Variants in BUB3 observed in about 807,000 individuals in gnomAD.
BUB3 encodes BUB3 mitotic checkpoint protein, also known as mitotic checkpoint protein BUB3.
In BUB3, 22 loss-of-function variants were observed where a neutral mutation model predicts 39.9. The observed-to-expected ratio is 0.55, with a 90% CI of 0.39 to 0.79. BUB3 has a LOEUF of 0.79. BUB3 is among the 30% of genes least tolerant of loss of function. The pLI is 0.00. For missense variants in BUB3, 303 were observed against 415.4 expected, an observed-to-expected ratio of 0.73 and a Z score of 2.35; for synonymous variants, 168 against 155.1, an observed-to-expected ratio of 1.08 and a Z score of -0.62.
chr10:123,157,862 C>G lies in BUB3; in HGVS notation c.399C>G (p.Thr133=). ...CCAGAACTCCTTGTAATGCTGGGAC[C>G]TTCTCTCAGCCTGAAAAGGTAGGCT... ...WDPRTPCNAG[T]FSQPEKVYTL... Residue 133 remains threonine, a synonymous_variant, in exon 4 of 8, where the codon ACC becomes ACG. Transcript: ENST00000368865. The G allele has an allele frequency of 6.2e-7, 1 of 1,613,040 alleles. No homozygotes were observed. The highest frequency in any genetic ancestry group is 1.1e-5 in the South Asian group (1 of 90,798).
chr10:123,169,092 G>T lies in BUB3; in HGVS notation c.*5257G>T, dbSNP rs75933581. 43 of 152,382 alleles carry T rather than the reference G, an allele frequency of 2.8e-4. No individual in the cohort carries two copies. The highest frequency in any genetic ancestry group is 9.9e-4 in the African/African-American group (41 of 41,578). 9.4% of individuals were successfully genotyped at this position (152,382 alleles called of 1,614,324 possible). On this transcript the variant is annotated 3_prime_UTR_variant, in exon 8 of 8. Coordinates refer to ENST00000368865, the MANE Select transcript of BUB3 (RefSeq NM_004725.4). Reference sequence around the variant, plus strand: ...ATTTGCACCCCCAGGTATCATGTGGGCAGGTGCTCCATGTGGCTGGTGATA... The same window carrying T: ...ATTTGCACCCCCAGGTATCATGTGGTCAGGTGCTCCATGTGGCTGGTGATA...
At chr10:123,156,892 C>T (rs1480200898) in intron 3 of BUB3, among the ~76,000 whole-genome samples, 7 of 152,086 alleles carry the variant, frequency 4.6e-5, no homozygotes, top group Admixed American at 1.3e-4. Context: ...TACAGGTGTG[C>T]GCCACCATGC....
chr10:123,154,880 C>T, intron 1 of BUB3, 38 bp from the exon 2 acceptor site: 1 of 1,578,578 alleles, frequency 6.3e-7, no homozygotes, highest in South Asian at 1.2e-5. Flanking sequence ...AGCCCCAGCC[C>T]GCGGGACCCC....
rs1480982197 is a variant in BUB3, at chr10:123,168,465, T to C, written c.*4630T>C. Reference sequence around the variant, plus strand: ...TCTAGAGCAAGCTTGTCCAATTTGTTGTCCATGGGCCACATGCTGCCCAGG... The same window carrying C: ...TCTAGAGCAAGCTTGTCCAATTTGTCGTCCATGGGCCACATGCTGCCCAGG... On this transcript the variant is annotated 3_prime_UTR_variant, in exon 8 of 8. Transcript: ENST00000368865. The C allele has an allele frequency of 6.6e-6, 1 of 152,198 alleles. No individual in the cohort carries two copies. The highest frequency in any genetic ancestry group is 1.5e-5 in the Non-Finnish European group (1 of 68,032). The allele number at this position is 152,198 out of a possible 1,614,324, so 9.4% of individuals were successfully genotyped here.
chr10:123,161,358 G>C (rs1183451224), intron 5 of BUB3, among the ~76,000 whole-genome samples: 2 of 152,126 alleles, frequency 1.3e-5, no homozygotes, highest in African/African-American at 4.8e-5. Flanking sequence ...ACCTCAAATG[G>C]TGATCACAGT....
rs1564784575 is a variant in BUB3 at position 123,164,120 on chromosome 10, T to G, written c.*285T>G. 1.7e-5 allele frequency: 19 copies of G among 1,118,456 alleles called. No homozygotes were observed. Among genetic ancestry groups the G allele is most frequent in the Non-Finnish European group, 2.1e-5 (19 of 917,462 alleles). 69.3% of individuals were successfully genotyped at this position (1,118,456 alleles called of 1,614,324 possible). On this transcript the variant is annotated 3_prime_UTR_variant, in exon 8 of 8. Coordinates refer to ENST00000368865, the MANE Select transcript of BUB3 (RefSeq NM_004725.4). ...AATCAGTTTTGACCTTGATGATTTT[T>G]TGTTTCCACTGTGGAAATAAATGTT...
Position 123,164,959 on chromosome 10 carries a change from G to A in BUB3, c.*1124G>A. 1 of 1,517,452 alleles carries A rather than the reference G, an allele frequency of 6.6e-7. No individual in the cohort carries two copies. The highest frequency in any genetic ancestry group is 8.7e-7 in the Non-Finnish European group (1 of 1,145,010). 94.0% of individuals were successfully genotyped at this position (1,517,452 alleles called of 1,614,324 possible). ...TATTTTTTTTAATTCTTTTGATACA[G>A]AGAAGGGTCTTTTTTTTTTTAAGTA... On this transcript the variant is annotated 3_prime_UTR_variant, in exon 8 of 8. Transcript: ENST00000368865.
intron 4 of BUB3, among the ~76,000 whole-genome samples, chr10:123,158,572 G>A (rs946709867): frequency 2.6e-5 from 4 of 152,144 alleles, no homozygotes; most frequent in Non-Finnish European, 4.4e-5. Flanking sequence ...TCCCTCACTT[G>A]AGTCTATTTC....
Position 123,164,349 on chromosome 10 carries a change from C to T in BUB3, c.*514C>T, listed in dbSNP as rs968632520. On this transcript the variant is annotated 3_prime_UTR_variant, in exon 8 of 8. Transcript: ENST00000368865. ...TTATTTTCTGAAGCAGATGGTTCAT[C>T]ATTTCCTGGGCTGTTAAACAAAGCG... 38 of 985,858 alleles carry T rather than the reference C, an allele frequency of 3.9e-5. No individual in the cohort carries two copies. The highest frequency in any genetic ancestry group is 4.3e-5 in the Non-Finnish European group (36 of 830,366). The allele number at this position is 985,858 out of a possible 1,614,324, so 61.1% of individuals were successfully genotyped here. A position where few individuals can be genotyped will look rare whatever the true frequency, so the allele number is the denominator to read the frequency against.
intron 5 of BUB3, among the ~76,000 whole-genome samples, chr10:123,161,644 G>T (rs750658661): frequency 2.6e-5 from 4 of 152,088 alleles, no homozygotes; most frequent in Non-Finnish European, 4.4e-5. Flanking sequence ...TTCATATTTG[G>T]TGTGTTAGCT....
rs1170425073 is a variant in BUB3, at chr10:123,167,917, C to T, written c.*4082C>T. ...TGTTAAATTGAGTTAAACAAATTTA[C>T]AAGTTGACAAATTACATTTACAAAT... On this transcript the variant is annotated 3_prime_UTR_variant, in exon 8 of 8. Coordinates refer to ENST00000368865, the MANE Select transcript of BUB3 (RefSeq NM_004725.4). The T allele has an allele frequency of 6.6e-6, 1 of 151,932 alleles. No individual in the cohort carries two copies. The highest frequency in any genetic ancestry group is 1.5e-5 in the Non-Finnish European group (1 of 67,986). 9.4% of individuals were successfully genotyped at this position (151,932 alleles called of 1,614,324 possible). A position where few individuals can be genotyped will look rare whatever the true frequency, so the allele number is the denominator to read the frequency against.
chr10:123,154,867 C>T (rs755113374), intron 1 of BUB3, 51 bp from the exon 2 acceptor site: 11 of 1,556,900 alleles, frequency 7.1e-6, no homozygotes, highest in Middle Eastern at 4.3e-4. Context: ...GCTGTCAGTG[C>T]GCAGCCCCAG....
chr10:123,163,132 G>T, intron 7 of BUB3: 3 of 299,750 alleles, frequency 1.0e-5, no homozygotes, highest in South Asian at 5.5e-5. Context: ...ATTAAGTTGA[G>T]GAATTCAAGA....
At chr10:123,157,625 A>G (rs547449514) in intron 3 of BUB3, 104 bp from the exon 4 acceptor site, 5 of 1,367,440 alleles carry the variant, frequency 3.7e-6, no homozygotes, top group Non-Finnish European at 4.9e-6. Flanking sequence ...AGGCAAATTC[A>G]TTACAGTTGA....
chr10:123,155,702 A>C lies in BUB3; in HGVS notation c.240A>C (p.Lys80Asn). The stretch of plus-strand genomic sequence containing the variant: ...GTGGAGGACTAGATCATCAATTGAA[A>C]ATGCATGATTTGAACACTGATCAAG... ...AWSGGLDHQL[K>N]MHDLNTDQEN... is the part of the protein sequence containing the mutation. The change falls in exon 3 of 8, where the codon AAA becomes AAC. Residue 80 changes from lysine to asparagine, a missense_variant. Transcript: ENST00000368865. 6.2e-7 allele frequency: 1 copy of C among 1,614,144 alleles called. No individual in the cohort carries two copies. Among genetic ancestry groups the C allele is most frequent in the Non-Finnish European group, 8.5e-7 (1 of 1,179,992 alleles).
chr10:123,161,355 A>G (rs1051803074), intron 5 of BUB3, among the ~76,000 whole-genome samples: 4 of 152,216 alleles, frequency 2.6e-5, no homozygotes, highest in African/African-American at 9.6e-5. Context: ...AGTACCTCAA[A>G]TGGTGATCAC....
chr10:123,162,154 G>C, intron 5 of BUB3, 82 bp from the exon 6 acceptor site: 1 of 1,222,818 alleles, frequency 8.2e-7, no homozygotes, highest in Non-Finnish European at 1.2e-6. Flanking sequence ...TCACTCTTTA[G>C]TGTGGGTTGA....
intron 3 of BUB3, among the ~76,000 whole-genome samples, chr10:123,157,265 C>T (rs951009226): frequency 6.6e-6 from 1 of 152,228 alleles, no homozygotes; most frequent in African/African-American, 2.4e-5. Context: ...GCAGCATTGG[C>T]TTAATGTTCA....
Position 123,169,231 on chromosome 10 carries a change from G to A in BUB3, c.*5396G>A, listed in dbSNP as rs1448346549. 1.3e-5 allele frequency: 2 copies of A among 152,258 alleles called. No individual in the cohort carries two copies. Among genetic ancestry groups the A allele is most frequent in the Non-Finnish European group, 2.9e-5 (2 of 68,048 alleles). 9.4% of individuals were successfully genotyped at this position (152,258 alleles called of 1,614,324 possible). Reference sequence around the variant, plus strand: ...GATGCGCCTGAGCAAGTGAGGGCCAGTTAGTATACATAATTTTTACAAAAT... The same window carrying A: ...GATGCGCCTGAGCAAGTGAGGGCCAATTAGTATACATAATTTTTACAAAAT... On this transcript the variant is annotated 3_prime_UTR_variant, in exon 8 of 8. Coordinates refer to ENST00000368865, the MANE Select transcript of BUB3 (RefSeq NM_004725.4).
Sources: allele counts gnomAD v4.1 joint callset (sites outside exome capture counted in the v4.1 genomes callset), GRCh38; gene constraint gnomAD v4.1.1; transcripts MANE v1.5; gene names NCBI Gene and HGNC (gene_info 2026-07-23, HGNC 2026-07-21).